The following GPC5 variants were observed in gnomAD, a reference collection of about 807,000 sequenced individuals.
The protein encoded by GPC5 is glypican-5.
GPC5 carries 47 observed loss-of-function variants against 53.9 expected under a neutral mutation model. That is an observed-to-expected ratio of 0.87 (90% confidence interval 0.69 to 1.11). GPC5 has a LOEUF of 1.11. GPC5 is among the 50% of genes most tolerant of loss of function. The pLI, the probability that GPC5 is intolerant of heterozygous loss-of-function variation, is 0.00. For synonymous variants in GPC5, 286 were observed against 263.3 expected (o/e 1.09, Z -0.84); for missense variants, 748 against 713.1 (o/e 1.05, Z -0.56).
chr13:91,834,847 A>T (rs1405669642), intron 5 of GPC5, among the ~76,000 whole-genome samples: 1 of 152,220 alleles, frequency 6.6e-6, no homozygotes, highest in Non-Finnish European at 1.5e-5. Flanking sequence ...CAAGGACTTC[A>T]TAACTAAAAC....
intron 7 of GPC5, among the ~76,000 whole-genome samples, chr13:92,577,899 A>T (rs894111902): frequency 6.6e-6 from 1 of 152,214 alleles, no homozygotes; most frequent in African/African-American, 2.4e-5. Flanking sequence ...GGGCTTTATT[A>T]TGTCATTTCT....
At chr13:91,948,051 A>T (rs1478310795) in intron 6 of GPC5, among the ~76,000 whole-genome samples, 7 of 151,600 alleles carry the variant, frequency 4.6e-5, no homozygotes, top group African/African-American at 1.7e-4. Flanking sequence ...ACACGGTGAA[A>T]CCCCGTCTCT....
At chr13:92,567,387 T>G (rs1882893157) in intron 7 of GPC5, among the ~76,000 whole-genome samples, 1 of 152,096 alleles carries the variant, frequency 6.6e-6, no homozygotes, top group Non-Finnish European at 1.5e-5. Flanking sequence ...GATTGCTGGC[T>G]GTGGTGAACA....
At chr13:92,391,545 G>A (rs1393766296) in intron 7 of GPC5, among the ~76,000 whole-genome samples, 1 of 152,064 alleles carries the variant, frequency 6.6e-6, no homozygotes, top group Non-Finnish European at 1.5e-5. Context: ...TCCTTCCCAA[G>A]TATAATGGAA....
At chr13:92,664,196 A>C (rs917708990) in intron 7 of GPC5, among the ~76,000 whole-genome samples, 3 of 152,004 alleles carry the variant, frequency 2.0e-5, no homozygotes, top group African/African-American at 7.3e-5. Context: ...AGTCTGGAGA[A>C]TGAATCATCA....
chr13:92,023,362 C>A (rs2040774657), intron 6 of GPC5, among the ~76,000 whole-genome samples: 1 of 151,948 alleles, frequency 6.6e-6, no homozygotes, highest in Non-Finnish European at 1.5e-5. Flanking sequence ...ACTACATGTA[C>A]CTTTCCTCAT....
intron 7 of GPC5, among the ~76,000 whole-genome samples, chr13:92,636,312 G>T (rs9584052): frequency 0.016 from 2,384 of 151,488 alleles, 71 homozygotes; most frequent in African/African-American, 0.055. Context: ...TGGTGAAGAG[G>T]TATCACCGTA....
intron 2 of GPC5, among the ~76,000 whole-genome samples, chr13:91,555,152 G>C (rs1254970743): frequency 6.6e-6 from 1 of 151,904 alleles, no homozygotes; most frequent in Non-Finnish European, 1.5e-5. Flanking sequence ...CCCCCCAGTG[G>C]TAACATTTTA....
intron 2 of GPC5, among the ~76,000 whole-genome samples, chr13:91,587,352 C>A (rs2032637234): frequency 6.6e-6 from 1 of 152,038 alleles, no homozygotes; most frequent in Non-Finnish European, 1.5e-5. Context: ...TAGTATCTGA[C>A]AAATGATCTA....
At chr13:92,165,679 T>C (rs1447809924) in intron 7 of GPC5, among the ~76,000 whole-genome samples, 1 of 152,204 alleles carries the variant, frequency 6.6e-6, no homozygotes, top group Non-Finnish European at 1.5e-5. Flanking sequence ...ACAATTTGGA[T>C]TACAATTCAA....
intron 6 of GPC5, among the ~76,000 whole-genome samples, chr13:92,137,051 C>T (rs1299849969): frequency 1.3e-5 from 2 of 151,546 alleles, no homozygotes; most frequent in Non-Finnish European, 2.9e-5. Flanking sequence ...AAGCACGTTC[C>T]GAAAGTTGTT....
chr13:92,574,562 G>T (rs569825658), intron 7 of GPC5, among the ~76,000 whole-genome samples: 3 of 152,194 alleles, frequency 2.0e-5, no homozygotes, highest in African/African-American at 7.2e-5. Context: ...TGTTCCTGAT[G>T]ATCTTTGATT....
chr13:92,163,269 C>T (rs1205009534), intron 7 of GPC5, among the ~76,000 whole-genome samples: 1 of 150,252 alleles, frequency 6.7e-6, no homozygotes, highest in Admixed American at 6.7e-5. Flanking sequence ...TCAGACTAGC[C>T]TGGCCGCATG....
intron 5 of GPC5, among the ~76,000 whole-genome samples, chr13:91,832,996 G>C (rs180702542): frequency 6.6e-6 from 1 of 151,964 alleles, no homozygotes; most frequent in South Asian, 2.1e-4. Flanking sequence ...TAGACCACCA[G>C]CCAGACTAAT....
In GPC5 at chr13:91,841,647, G is replaced by A. The variant is rs188738301; in HGVS notation, c.1281-66290G>A. On this transcript the variant is annotated intron_variant, in intron 5 of 7. Coordinates refer to ENST00000377067, the MANE Select transcript of GPC5 (RefSeq NM_004466.6). ...TTGCTCTTTGCAAATAAATAAGAAGGCATTGGATTTATATTGGTAATTTAG... is the reference window on the plus strand; with the variant it reads ...TTGCTCTTTGCAAATAAATAAGAAGACATTGGATTTATATTGGTAATTTAG... 4.6e-5 allele frequency among the ~76,000 whole-genome samples: 7 copies of A among 152,034 alleles called. No individual in the cohort carries two copies. In the East Asian group the frequency reaches 1.4e-3, roughly 29 times the overall value.
chr13:91,754,337 G>A (rs550000968), intron 4 of GPC5, among the ~76,000 whole-genome samples: 108 of 152,172 alleles, frequency 7.1e-4, no homozygotes, highest in Non-Finnish European at 1.2e-3. Context: ...AGTGTAGTAC[G>A]TCCAGAGAAA....
intron 7 of GPC5, among the ~76,000 whole-genome samples, chr13:92,368,489 C>T (rs2043623473): frequency 6.6e-6 from 1 of 150,648 alleles, no homozygotes; most frequent in Non-Finnish European, 1.5e-5. Context: ...ACTAAAAATA[C>T]AAAAATTAGC....
At chr13:91,761,101 T>A (rs1177245718) in intron 5 of GPC5, among the ~76,000 whole-genome samples, 4 of 152,124 alleles carry the variant, frequency 2.6e-5, no homozygotes, top group African/African-American at 9.7e-5. Context: ...GCAAATTGAT[T>A]GTTTGATGAT....
intron 7 of GPC5, among the ~76,000 whole-genome samples, chr13:92,808,277 T>A (rs1877174570): frequency 6.6e-6 from 1 of 152,138 alleles, no homozygotes; most frequent in South Asian, 2.1e-4. Flanking sequence ...TTAAGAAACT[T>A]AAACACACAA....
Sources: gnomAD v4.1 joint callset for allele counts (sites outside exome capture counted in the v4.1 genomes callset) on GRCh38, gnomAD v4.1.1 for gene constraint, MANE v1.5 for transcripts, NCBI Gene and HGNC (gene_info 2026-07-23, HGNC 2026-07-21) for gene names.